The following NR2F6 variants were observed in gnomAD, a reference collection of about 807,000 sequenced individuals.
NR2F6 encodes the protein ERBA-related gene-2.
A neutral mutation model predicts 26.5 loss-of-function variants in NR2F6; 16 were observed. The observed-to-expected ratio is 0.60, with a 90% CI of 0.41 to 0.92. The LOEUF is 0.92. Ranked by LOEUF, NR2F6 falls within the 40% of genes least tolerant of loss-of-function variation. The probability of loss-of-function intolerance (pLI) is 0.00; values close to 1 mark genes in which losing one functional copy is unlikely to be tolerated. For synonymous variants in NR2F6, 325 were observed against 305.0 expected, an observed-to-expected ratio of 1.07 and a Z score of -0.68; for missense variants, 536 against 631.7, an observed-to-expected ratio of 0.85 and a Z score of 1.62.
At position 17,236,013 on chromosome 19, in the gene NR2F6, G is replaced by A. The variant is rs752451199; in HGVS notation, c.426C>T (p.Ser142=). 2.8e-6 allele frequency: 4 copies of A among 1,414,106 alleles called. No homozygotes were observed. Among genetic ancestry groups the A allele is most frequent in the East Asian group, 3.0e-5 (1 of 33,016 alleles). 87.6% of individuals were successfully genotyped at this position (1,414,106 alleles called of 1,614,324 possible). ...PHSLPGAVAA[S]SGSPPGSALA... is the part of the protein sequence containing the mutation. ...GCGCCGAGCCCGGGGGGCTGCCCGA[G>A]GAGGCGGCCACGGCACCAGGCAGCG... The change falls in exon 3 of 4, where the codon TCC becomes TCT. Residue 142 remains serine (S), a synonymous_variant. Transcript: ENST00000291442.
Position 17,245,239 on chromosome 19 carries a change from C to A in NR2F6, c.-19G>T. On this transcript the variant is annotated 5_prime_UTR_variant, in exon 1 of 4. Coordinates refer to ENST00000291442, the MANE Select transcript of NR2F6 (RefSeq NM_005234.4). The surrounding 1 kb of genome is among the most constrained non-coding windows in gnomAD (Gnocchi z 5.0). Reference sequence around the variant, plus strand: ...TGGCCATAGCCCCAGGGCAGCGGGGCCGGGGCGCCCCCACCGCGCTCTTCC... The same window carrying A: ...TGGCCATAGCCCCAGGGCAGCGGGGACGGGGCGCCCCCACCGCGCTCTTCC... 1.6e-6 allele frequency: 2 copies of A among 1,245,986 alleles called. No homozygotes were observed. Among genetic ancestry groups the A allele is most frequent in the South Asian group, 3.1e-5 (1 of 32,776 alleles). The allele number at this position is 1,245,986 out of a possible 1,614,324, so 77.2% of individuals were successfully genotyped here. A position where few individuals can be genotyped will look rare whatever the true frequency, so the allele number is the denominator to read the frequency against.
In NR2F6 at chr19:17,245,350, A is replaced by C; in HGVS notation, c.-130T>G. ...GGGGGGCACGGGCTGCACCCCCCAA[A>C]AAAGTTTTGCAGCAACTTCCTGCGG... On this transcript the variant is annotated 5_prime_UTR_variant, in exon 1 of 4. Coordinates refer to ENST00000291442, the MANE Select transcript of NR2F6 (RefSeq NM_005234.4). This position sits in a 1 kb window ranked among gnomAD's most constrained non-coding sequence, Gnocchi z 5.0. 4.9e-6 allele frequency: 4 copies of C among 824,030 alleles called. No homozygotes were observed. Among genetic ancestry groups the C allele is most frequent in the Non-Finnish European group, 6.3e-6 (4 of 638,282 alleles). 51.0% of individuals were successfully genotyped at this position (824,030 alleles called of 1,614,324 possible).
chr19:17,243,013 C>T (rs1415855060), intron 1 of NR2F6, among the ~76,000 whole-genome samples: 2 of 152,208 alleles, frequency 1.3e-5, no homozygotes, highest in African/African-American at 4.8e-5. Flanking sequence ...GCCAGCATTT[C>T]AGGCCCACCT....
rs62126224 is a variant in NR2F6, at chr19:17,235,027, G to T, written c.940+472C>A. On this transcript the variant is annotated intron_variant, in intron 3 of 3. Coordinates refer to ENST00000291442, the MANE Select transcript of NR2F6 (RefSeq NM_005234.4). This position sits in a 1 kb window ranked among gnomAD's most constrained non-coding sequence, Gnocchi z 5.0. Reference sequence around the variant, plus strand: ...GGCCTCCGAGCCACGCCCCTACCCAGATCCCTACAACCCTGGCTACCTGGA... The same window carrying T: ...GGCCTCCGAGCCACGCCCCTACCCATATCCCTACAACCCTGGCTACCTGGA... Among the ~76,000 whole-genome samples the T allele has an allele frequency of 0.025, 3,770 of 152,350 alleles. 77 individuals are homozygous for T. Among genetic ancestry groups the T allele is most frequent in the South Asian group, 0.054 (260 of 4,830 alleles).
intron 1 of NR2F6, among the ~76,000 whole-genome samples, chr19:17,243,462 C>T (rs941605246): frequency 2.1e-5 from 3 of 141,252 alleles, no homozygotes; most frequent in African/African-American, 9.5e-5. Flanking sequence ...CCAAGCAAGG[C>T]CCCCCCCACC....
chr19:17,237,396 TCTCTCTCTCTCTCC>T (rs750730244), intron 2 of NR2F6, among the ~76,000 whole-genome samples: 97 of 142,550 alleles, frequency 6.8e-4, no homozygotes, highest in South Asian at 4.2e-3. Flanking sequence ...CCTTTCTTCC[TCTCTCTCTCTCTCC>T]CTCTCTCTCT....
In NR2F6 at chr19:17,236,054, C is replaced by G; in HGVS notation, c.385G>C (p.Gly129Arg). 8.2e-7 allele frequency: 1 copy of G among 1,220,688 alleles called. No individual in the cohort carries two copies. The highest frequency in any genetic ancestry group is 1.0e-6 in the Non-Finnish European group (1 of 985,252). 75.6% of individuals were successfully genotyped at this position (1,220,688 alleles called of 1,614,324 possible). A position where few individuals can be genotyped will look rare whatever the true frequency, so the allele number is the denominator to read the frequency against. Residue 129 changes from glycine to arginine, a missense_variant, in exon 3 of 4, where the codon GGC (glycine) becomes CGC (arginine). Transcript: ENST00000291442. Reference sequence around the variant, plus strand: ...CCAGGCAGCGAGTGCGGGATGCGGCCGCGCTGCACCGCTGCGGGAGGCGGG... The same window carrying G: ...CCAGGCAGCGAGTGCGGGATGCGGCGGCGCTGCACCGCTGCGGGAGGCGGG... ...VGMRKEAVQR[G>R]RIPHSLPGAV...
At position 17,238,623 on chromosome 19, in the gene NR2F6, A is replaced by G. The variant is rs1220419867; in HGVS notation, c.373+2048T>C. 5.9e-5 allele frequency among the ~76,000 whole-genome samples: 9 copies of G among 152,290 alleles called. No individual in the cohort carries two copies. In the East Asian group the frequency reaches 1.7e-3, roughly 29 times the overall value. ...TTGAGATATATGAGGATTTTAGGTA[A>G]AATAGACAAGTAGAGGCAAAATCCA... On this transcript the variant is annotated intron_variant, in intron 2 of 3. Transcript: ENST00000291442.
At position 17,232,397 on chromosome 19, in the gene NR2F6, C is replaced by T. The variant is rs144753536; in HGVS notation, c.1170G>A (p.Leu390=). 41 of 1,614,136 alleles carry T rather than the reference C, an allele frequency of 2.5e-5. No homozygotes were observed. In the African/African-American group the frequency reaches 4.8e-4, roughly 19 times the overall value. Residue 390 remains leucine, a synonymous_variant, in exon 4 of 4, where the codon CTG becomes CTA. Coordinates refer to ENST00000291442, the MANE Select transcript of NR2F6 (RefSeq NM_005234.4). The part of the protein sequence containing the change: ...TPIETLIRDM[L]LSGSTFNWPY... The stretch of plus-strand genomic sequence containing the variant: ...GCCAGTTGAAGGTACTCCCCGACAG[C>T]AGCATGTCTCTGATCAGTGTCTCAA...
At chr19:17,236,958 C>T (rs893530079) in intron 2 of NR2F6, among the ~76,000 whole-genome samples, 3 of 152,250 alleles carry the variant, frequency 2.0e-5, no homozygotes, top group African/African-American at 7.2e-5. Context: ...GGCCATGTGC[C>T]TGCCTGGCTT....
At position 17,232,233 on chromosome 19, in the gene NR2F6, G is replaced by C; in HGVS notation, c.*119C>G. The C allele has an allele frequency of 7.6e-7, 1 of 1,315,744 alleles. No individual in the cohort carries two copies. The highest frequency in any genetic ancestry group is 1.0e-6 in the Non-Finnish European group (1 of 957,712). The allele number at this position is 1,315,744 out of a possible 1,614,324, so 81.5% of individuals were successfully genotyped here. A position where few individuals can be genotyped will look rare whatever the true frequency, so the allele number is the denominator to read the frequency against. ...AACATTTCACAGTCTTTAAAAAATAGAAGTCTGAGGAGAGAAGCCAGAGTC... is the reference window on the plus strand; with the variant it reads ...AACATTTCACAGTCTTTAAAAAATACAAGTCTGAGGAGAGAAGCCAGAGTC... On this transcript the variant is annotated 3_prime_UTR_variant, in exon 4 of 4. Coordinates refer to ENST00000291442, the MANE Select transcript of NR2F6 (RefSeq NM_005234.4).
intron 1 of NR2F6, among the ~76,000 whole-genome samples, chr19:17,244,021 G>C (rs1221315634): frequency 3.3e-5 from 5 of 152,078 alleles, no homozygotes; most frequent in Non-Finnish European, 7.4e-5. Context: ...GCTCGCCCGG[G>C]AACGGTGAGA....
In NR2F6 at chr19:17,232,628, TA is replaced by T; in HGVS notation, c.941-3del. The T allele has an allele frequency of 6.5e-7, 1 of 1,528,968 alleles. No homozygotes were observed. 94.7% of individuals were successfully genotyped at this position (1,528,968 alleles called of 1,614,324 possible). A position where few individuals can be genotyped will look rare whatever the true frequency, so the allele number is the denominator to read the frequency against. ...CCGGGTCTGAGAGGCCACAGGCGTC[TA>T]GGGGGACAAAGGCAAGTCAGACAGG... On this transcript the variant is annotated splice_polypyrimidine_tract_variant and splice_region_variant and intron_variant, in intron 3 of 3. Coordinates refer to ENST00000291442, the MANE Select transcript of NR2F6 (RefSeq NM_005234.4).
Position 17,232,378 on chromosome 19 carries a change from T to C in NR2F6, c.1189A>G (p.Asn397Asp). 3 of 1,613,942 alleles carry C rather than the reference T, an allele frequency of 1.9e-6. No individual in the cohort carries two copies. Among genetic ancestry groups the C allele is most frequent in the Non-Finnish European group, 2.5e-6 (3 of 1,180,004 alleles). The change falls in exon 4 of 4, where the codon AAC (asparagine) becomes GAC (aspartate). Residue 397 changes from asparagine (N) to aspartate (D), a missense_variant. By Grantham distance (23) the Asn-to-Asp change is conservative. Transcript: ENST00000291442. ...CACTGGCCCGAGCCGTAGGGCCAGT[T>C]GAAGGTACTCCCCGACAGCAGCATG... Reference protein sequence around the residue: ...RDMLLSGSTFNWPYGSGQ With the variant: ...RDMLLSGSTFDWPYGSGQ
At chr19:17,238,067 G>A (rs1481936199) in intron 2 of NR2F6, among the ~76,000 whole-genome samples, 2 of 152,112 alleles carry the variant, frequency 1.3e-5, no homozygotes, top group African/African-American at 4.8e-5. Context: ...TTCAACCCAG[G>A]AGTTTAAGGC....
intron 2 of NR2F6, among the ~76,000 whole-genome samples, chr19:17,240,302 GT>G (rs916964175): frequency 6.6e-6 from 1 of 152,252 alleles, no homozygotes; most frequent in African/African-American, 2.4e-5. Context: ...GGTCACCAAG[GT>G]GTCAGGGCCA....
At position 17,232,278 on chromosome 19, in the gene NR2F6, T is replaced by A. The variant is rs1000229357; in HGVS notation, c.*74A>T. 1.9e-6 allele frequency: 3 copies of A among 1,586,178 alleles called. No homozygotes were observed. The highest frequency in any genetic ancestry group is 1.7e-6 in the Non-Finnish European group (2 of 1,164,218). Reference sequence around the variant, plus strand: ...AGAGTCCTGGGCCCCGGGAGGCCCCTCGAGGCCTCAGCATTCCCTGTCCCT... The same window carrying A: ...AGAGTCCTGGGCCCCGGGAGGCCCCACGAGGCCTCAGCATTCCCTGTCCCT... On this transcript the variant is annotated 3_prime_UTR_variant, in exon 4 of 4. Coordinates refer to ENST00000291442, the MANE Select transcript of NR2F6 (RefSeq NM_005234.4).
At chr19:17,240,832 G>A (rs1239268938) in intron 1 of NR2F6, 67 bp from the exon 2 acceptor site, 2 of 1,518,054 alleles carry the variant, frequency 1.3e-6, no homozygotes, top group Admixed American at 1.8e-5. Context: ...CAGCCTATGA[G>A]CCGCCTTTGG....
chr19:17,244,513 G>A lies in NR2F6; in HGVS notation c.278+430C>T, dbSNP rs2073485907. On this transcript the variant is annotated intron_variant, in intron 1 of 3. Coordinates refer to ENST00000291442, the MANE Select transcript of NR2F6 (RefSeq NM_005234.4). ...ATCGATCCGCGCGGCCGCAGACAAT[G>A]GCCCCTGGACGCTGCGAGCTCCACG... is the stretch of plus-strand genomic sequence containing the variant. 2.4e-5 allele frequency: 4 copies of A among 167,296 alleles called. No individual in the cohort carries two copies. In the South Asian group the frequency reaches 4.0e-4, roughly 17 times the overall value. 10.4% of individuals were successfully genotyped at this position (167,296 alleles called of 1,614,324 possible).
Sources: gnomAD v4.1 joint callset for allele counts (sites outside exome capture counted in the v4.1 genomes callset) on GRCh38, gnomAD v4.1.1 for gene constraint, Gnocchi (gnomAD v3.1) non-coding constraint, MANE v1.5 for transcripts, NCBI Gene and HGNC (gene_info 2026-07-23, HGNC 2026-07-21) for gene names.